The following TGFB2 variants were observed in gnomAD, a reference collection of about 807,000 sequenced individuals.
The protein encoded by TGFB2 is transforming growth factor beta-2 proprotein.
In TGFB2, 13 loss-of-function variants were observed where a neutral mutation model predicts 42.7. That is an observed-to-expected ratio of 0.30 (90% CI 0.20 to 0.48). The LOEUF is 0.48. Ranked by LOEUF, TGFB2 falls within the 20% of genes least tolerant of loss-of-function variation. The pLI, the probability that TGFB2 is intolerant of heterozygous loss-of-function variation, is 0.99. For missense variants in TGFB2, 390 were observed against 517.5 expected, an observed-to-expected ratio of 0.75 and a Z score of 2.39; for synonymous variants, 193 against 193.6, an observed-to-expected ratio of 1.00 and a Z score of 0.03.
At chr1:218,418,804 A>G (rs1392443471) in intron 2 of TGFB2, among the ~76,000 whole-genome samples, 1 of 152,124 alleles carries the variant, frequency 6.6e-6, no homozygotes, top group East Asian at 1.9e-4. Context: ...AAAAAGAGGC[A>G]TTCTGCTACA....
At chr1:218,388,485 C>T (rs1358405628) in intron 1 of TGFB2, among the ~76,000 whole-genome samples, 1 of 152,238 alleles carries the variant, frequency 6.6e-6, no homozygotes, top group Non-Finnish European at 1.5e-5. Context: ...GTGGCCCCCT[C>T]GCCCACCATG....
chr1:218,350,139 A>G (rs1456358782), intron 1 of TGFB2, among the ~76,000 whole-genome samples: 2 of 152,258 alleles, frequency 1.3e-5, no homozygotes, highest in Non-Finnish European at 2.9e-5. Flanking sequence ...AGTTATACAC[A>G]GGAAGAATTC....
At chr1:218,429,409 G>A (rs1030255103) in intron 2 of TGFB2, among the ~76,000 whole-genome samples, 7 of 152,204 alleles carry the variant, frequency 4.6e-5, no homozygotes, top group African/African-American at 1.7e-4. Flanking sequence ...ATGTCATGTA[G>A]CATGTGTCTG....
rs1436558390 is a variant in TGFB2, at chr1:218,396,085, C to A, written c.347-9084C>A. Among the ~76,000 whole-genome samples, 4 of 152,286 alleles carry A rather than the reference C, an allele frequency of 2.6e-5. No homozygotes were observed. The East Asian group carries it at 7.7e-4, about 29-fold the overall frequency. The stretch of plus-strand genomic sequence containing the variant: ...TAGGATGGACATTTTTCATTCCTCT[C>A]TAGCTAGTTCATGACGCTGAGTAAC... On this transcript the variant is annotated intron_variant, in intron 1 of 6. Transcript: ENST00000366930.
At chr1:218,380,220 C>T (rs1206084147) in intron 1 of TGFB2, among the ~76,000 whole-genome samples, 1 of 152,178 alleles carries the variant, frequency 6.6e-6, no homozygotes, top group Non-Finnish European at 1.5e-5. Flanking sequence ...GTCCCTAAAG[C>T]AGCAGTACAG....
chr1:218,354,803 C>A (rs1445442289), intron 1 of TGFB2, among the ~76,000 whole-genome samples: 2 of 152,200 alleles, frequency 1.3e-5, no homozygotes, highest in African/African-American at 4.8e-5. Flanking sequence ...ACCTCTGAAG[C>A]ACACAACCTG....
chr1:218,349,797 C>T (rs557493102), intron 1 of TGFB2, among the ~76,000 whole-genome samples: 1 of 152,234 alleles, frequency 6.6e-6, no homozygotes, highest in Admixed American at 6.5e-5. Context: ...TTATCCTTGG[C>T]CAAGTATACT....
intron 2 of TGFB2, among the ~76,000 whole-genome samples, chr1:218,419,663 G>A (rs1659391497): frequency 6.6e-6 from 1 of 152,104 alleles, no homozygotes. Flanking sequence ...ACTTATAAAG[G>A]GGATTCTGTT....
chr1:218,404,051 C>A (rs1356063933), intron 1 of TGFB2, among the ~76,000 whole-genome samples: 799 of 99,328 alleles, frequency 8.0e-3, no homozygotes, highest in Non-Finnish European at 9.8e-3. Flanking sequence ...TGGCAGATTA[C>A]AAAAAAAAAA....
intron 1 of TGFB2, among the ~76,000 whole-genome samples, chr1:218,381,500 C>T (rs1460888031): frequency 6.6e-6 from 1 of 152,012 alleles, no homozygotes; most frequent in Non-Finnish European, 1.5e-5. Context: ...GTGATCCACC[C>T]GCCTCGGCCT....
chr1:218,410,833 A>G (rs1659070847), intron 2 of TGFB2, among the ~76,000 whole-genome samples: 2 of 152,238 alleles, frequency 1.3e-5, no homozygotes, highest in South Asian at 4.1e-4. Flanking sequence ...CCCTGTATGT[A>G]TGATTAAAAT....
chr1:218,384,117 TA>T lies in TGFB2; in HGVS notation c.347-21047del, dbSNP rs550892483. Among the ~76,000 whole-genome samples the T allele has an allele frequency of 2.4e-4, 23 of 95,914 alleles. No individual in the cohort carries two copies. In the South Asian group the frequency reaches 6.2e-3, roughly 26 times the overall value. 62.9% of individuals were successfully genotyped at this position (95,914 alleles called of 152,430 possible). A position where few individuals can be genotyped will look rare whatever the true frequency, so the allele number is the denominator to read the frequency against. ...CCTCTTCTAGAACATCTTGATTCATTAAAAAGAAAAAAAAAAAGGAATTAAA... is the reference window on the plus strand; with the variant it reads ...CCTCTTCTAGAACATCTTGATTCATTAAAAGAAAAAAAAAAAGGAATTAAA... On this transcript the variant is annotated intron_variant, in intron 1 of 6. Coordinates refer to ENST00000366930, the MANE Select transcript of TGFB2 (RefSeq NM_003238.6).
At chr1:218,400,648 G>A (rs1202370708) in intron 1 of TGFB2, among the ~76,000 whole-genome samples, 1 of 152,130 alleles carries the variant, frequency 6.6e-6, no homozygotes, top group African/African-American at 2.4e-5. Context: ...AAAAGCACCT[G>A]TACCCCAAAA....
In TGFB2 at chr1:218,434,219, C is replaced by T. The variant is rs765388938; in HGVS notation, c.643+5C>T. The T allele has an allele frequency of 1.9e-6, 3 of 1,599,888 alleles. No individual in the cohort carries two copies. Among genetic ancestry groups the T allele is most frequent in the African/African-American group, 1.3e-5 (1 of 74,618 alleles). On this transcript the variant is annotated splice_donor_5th_base_variant and intron_variant, in intron 3 of 6. Transcript: ENST00000366930. The stretch of plus-strand genomic sequence containing the variant: ...ATGAATGGCTTCACCATAAAGGTTA[C>T]AAGCCACTCTCTCTTTTCCTCCCAA...
intron 1 of TGFB2, among the ~76,000 whole-genome samples, chr1:218,358,685 A>G (rs1438419556): frequency 6.6e-6 from 1 of 151,362 alleles, no homozygotes; most frequent in African/African-American, 2.4e-5. Context: ...AGTAGCTGGG[A>G]CTACAGGCAC....
intron 1 of TGFB2, among the ~76,000 whole-genome samples, chr1:218,377,083 G>C (rs529494586): frequency 6.6e-6 from 1 of 152,170 alleles, no homozygotes; most frequent in East Asian, 1.9e-4. Context: ...AATTTTTATA[G>C]AGATGAGGTC....
At chr1:218,400,237 G>C (rs1380726296) in intron 1 of TGFB2, among the ~76,000 whole-genome samples, 1 of 151,850 alleles carries the variant, frequency 6.6e-6, no homozygotes, top group Admixed American at 6.6e-5. Flanking sequence ...AAGAAAAGGA[G>C]TACTATTGAA....
intron 1 of TGFB2, 64 bp downstream of exon 1, chr1:218,347,111 A>C (rs1210943451): frequency 6.9e-7 from 1 of 1,459,044 alleles, no homozygotes; most frequent in Non-Finnish European, 9.2e-7. Context: ...TCAAAACCGC[A>C]GCAGCTCCCG....
intron 1 of TGFB2, among the ~76,000 whole-genome samples, chr1:218,367,340 C>A (rs545980031): frequency 6.6e-6 from 1 of 152,178 alleles, no homozygotes. Flanking sequence ...CCAAACTCAG[C>A]TTTGGGTAAC....
Sources: gnomAD v4.1 joint callset for allele counts (sites outside exome capture counted in the v4.1 genomes callset) on GRCh38, gnomAD v4.1.1 for gene constraint, MANE v1.5 for transcripts, NCBI Gene and HGNC (gene_info 2026-07-23, HGNC 2026-07-21) for gene names.